SHROOM3: variants seen among roughly 807,000 people sequenced by gnomAD.
The protein encoded by SHROOM3 is protein Shroom3.
A neutral mutation model predicts 138.6 loss-of-function variants in SHROOM3; 47 were observed. The ratio of observed to expected loss-of-function variants is 0.34; its 90% CI spans 0.27 to 0.43. SHROOM3 has a LOEUF of 0.43. Ranked by LOEUF, SHROOM3 falls within the 20% of genes least tolerant of loss-of-function variation. The pLI, the probability that SHROOM3 is intolerant of heterozygous loss-of-function variation, is 1.00. For synonymous variants in SHROOM3, 1,062 were observed against 1,063.3 expected (o/e 1.00, Z 0.02); for missense variants, 2,491 against 2,596.5 (o/e 0.96, Z 0.88).
At chr4:76,471,049 ATTACT>A (rs955333469) in intron 1 of SHROOM3, among the ~76,000 whole-genome samples, 5 of 152,142 alleles carry the variant, frequency 3.3e-5, no homozygotes, top group Non-Finnish European at 7.4e-5. Flanking sequence ...AAATAGTCTG[ATTACT>A]TTACGATACT....
intron 1 of SHROOM3, among the ~76,000 whole-genome samples, chr4:76,437,277 G>A (rs1286595374): frequency 6.6e-6 from 1 of 152,154 alleles, no homozygotes; most frequent in Non-Finnish European, 1.5e-5. Flanking sequence ...GTGCATATGT[G>A]TGTGTCAGTT....
intron 3 of SHROOM3, among the ~76,000 whole-genome samples, chr4:76,723,213 C>A (rs71607370): frequency 0.076 from 11,614 of 152,162 alleles, 535 homozygotes; most frequent in Non-Finnish European, 0.1. Context: ...ACTTCAGACC[C>A]CATTCATGTG....
chr4:76,638,149 A>G (rs1250536187), intron 2 of SHROOM3, among the ~76,000 whole-genome samples: 2 of 152,158 alleles, frequency 1.3e-5, no homozygotes, highest in African/African-American at 4.8e-5. Context: ...TAATTTTTTA[A>G]TAGCACCAAA....
rs562784557 is a variant in SHROOM3, at chr4:76,760,123, G to A, written c.5349+428G>A. Among the ~76,000 whole-genome samples the A allele has an allele frequency of 7.9e-5, 12 of 152,164 alleles. No individual in the cohort carries two copies. The South Asian group carries it at 2.5e-3, about 32-fold the overall frequency. On this transcript the variant is annotated intron_variant, in intron 9 of 10. Transcript: ENST00000296043. ...TTTAAAATCTAGAAACTTTTTTTAG[G>A]GAAGGAGGCCAATTGTTAAATGACA...
intron 1 of SHROOM3, among the ~76,000 whole-genome samples, chr4:76,477,774 C>T (rs1228325428): frequency 6.6e-6 from 1 of 152,106 alleles, no homozygotes; most frequent in South Asian, 2.1e-4. Context: ...AGCTGAGGTA[C>T]CCAGCTCATC....
chr4:76,545,112 G>A (rs1034200594), intron 1 of SHROOM3, among the ~76,000 whole-genome samples: 1 of 142,686 alleles, frequency 7.0e-6, no homozygotes, highest in African/African-American at 2.6e-5. Context: ...TTCTTTTTTT[G>A]TATTTTTAAG....
At chr4:76,620,908 G>T (rs1734990900) in intron 2 of SHROOM3, among the ~76,000 whole-genome samples, 1 of 151,216 alleles carries the variant, frequency 6.6e-6, no homozygotes, top group South Asian at 2.1e-4. Flanking sequence ...CAGATGAAAG[G>T]ATGAAGGGGC....
At chr4:76,774,799 C>T (rs1722494623) in intron 10 of SHROOM3, among the ~76,000 whole-genome samples, 1 of 148,054 alleles carries the variant, frequency 6.8e-6, no homozygotes, top group African/African-American at 2.5e-5. Flanking sequence ...CTTCACTTTT[C>T]CCCCAGGCAT....
intron 3 of SHROOM3, among the ~76,000 whole-genome samples, chr4:76,729,790 A>T (rs1181626996): frequency 6.6e-6 from 1 of 152,214 alleles, no homozygotes; most frequent in East Asian, 1.9e-4. Context: ...CTTCAGGGGA[A>T]TTATTTTTCA....
At chr4:76,678,584 C>G (rs1719103757) in intron 2 of SHROOM3, among the ~76,000 whole-genome samples, 1 of 152,102 alleles carries the variant, frequency 6.6e-6, no homozygotes, top group Non-Finnish European at 1.5e-5. Context: ...TGTTTTGATG[C>G]TATGAATAAA....
chr4:76,692,161 G>A (rs563073948), intron 2 of SHROOM3, among the ~76,000 whole-genome samples: 3 of 152,322 alleles, frequency 2.0e-5, no homozygotes, highest in Non-Finnish European at 2.9e-5. Flanking sequence ...TGGTGGCTGG[G>A]CAGTCTTCAC....
chr4:76,761,979 C>G (rs73826432), intron 9 of SHROOM3, among the ~76,000 whole-genome samples: 4,186 of 152,178 alleles, frequency 0.028, 194 homozygotes, highest in African/African-American at 0.095. Context: ...TATCCAGAAG[C>G]CCACTGTGGA....
At chr4:76,527,724 C>T (rs1732728668) in intron 1 of SHROOM3, among the ~76,000 whole-genome samples, 2 of 152,172 alleles carry the variant, frequency 1.3e-5, no homozygotes, top group African/African-American at 4.8e-5. Context: ...TTTATGGTGT[C>T]CATTTCAAAG....
At chr4:76,610,133 T>A (rs1164254543) in intron 2 of SHROOM3, among the ~76,000 whole-genome samples, 2 of 152,210 alleles carry the variant, frequency 1.3e-5, no homozygotes, top group African/African-American at 2.4e-5. Context: ...CCAAAGCAAA[T>A]AAGCCAGTGC....
intron 1 of SHROOM3, among the ~76,000 whole-genome samples, chr4:76,535,859 A>G (rs1291385090): frequency 1.3e-5 from 2 of 152,256 alleles, no homozygotes; most frequent in African/African-American, 4.8e-5. Flanking sequence ...TTGGGCAAGA[A>G]TTCCAGACAG....
In SHROOM3 at chr4:76,501,260, T is replaced by C. The variant is rs76033001; in HGVS notation, c.169-54349T>C. Among the ~76,000 whole-genome samples, 405 of 152,342 alleles carry C rather than the reference T, an allele frequency of 2.7e-3. 7 individuals are homozygous for C. The highest frequency in any genetic ancestry group is 0.019 in the East Asian group (101 of 5,194). On this transcript the variant is annotated intron_variant, in intron 1 of 10. Coordinates refer to ENST00000296043, the MANE Select transcript of SHROOM3 (RefSeq NM_020859.4). ...GCCTTTTCGTTCTCTTAAGCATATATCTTTTGATGAAGAGATGTTTTTAAT... is the reference window on the plus strand; with the variant it reads ...GCCTTTTCGTTCTCTTAAGCATATACCTTTTGATGAAGAGATGTTTTTAAT...
At chr4:76,727,288 G>A (rs1720736565) in intron 3 of SHROOM3, among the ~76,000 whole-genome samples, 1 of 152,148 alleles carries the variant, frequency 6.6e-6, no homozygotes, top group African/African-American at 2.4e-5. Flanking sequence ...CATTTGTTGA[G>A]TACCTGAAGT....
At chr4:76,760,575 A>G (rs902886709) in intron 9 of SHROOM3, among the ~76,000 whole-genome samples, 3 of 152,196 alleles carry the variant, frequency 2.0e-5, no homozygotes, top group Non-Finnish European at 2.9e-5. Flanking sequence ...ATGTGTCCCA[A>G]GCTGTCTTGT....
At chr4:76,761,481 C>T (rs1412439507) in intron 9 of SHROOM3, among the ~76,000 whole-genome samples, 3 of 152,174 alleles carry the variant, frequency 2.0e-5, no homozygotes, top group African/African-American at 7.2e-5. Flanking sequence ...TGTACTACCA[C>T]ATTTTATGCT....
Sources: allele counts gnomAD v4.1 joint callset (sites outside exome capture counted in the v4.1 genomes callset), GRCh38; gene constraint gnomAD v4.1.1; transcripts MANE v1.5; gene names NCBI Gene and HGNC (gene_info 2026-07-23, HGNC 2026-07-21).